Variants in ADAMTS3 observed in about 807,000 individuals in gnomAD.
ADAMTS3 encodes A disintegrin and metalloproteinase with thrombospondin motifs 3.
Under a neutral mutation model 129.0 loss-of-function variants are expected in ADAMTS3, and 73 were observed. The observed-to-expected ratio is 0.57, with a 90% CI of 0.47 to 0.69. The LOEUF (loss-of-function observed/expected upper bound fraction) is 0.69. ADAMTS3 is among the 30% of genes least tolerant of loss of function. The pLI is 0.00. For synonymous variants in ADAMTS3, 477 were observed against 510.8 expected (o/e 0.93, Z 0.89); for missense variants, 1,457 against 1,514.5 (o/e 0.96, Z 0.63).
intron 4 of ADAMTS3, among the ~76,000 whole-genome samples, chr4:72,399,028 CT>C (rs1249664993): frequency 6.6e-6 from 1 of 152,222 alleles, no homozygotes; most frequent in Non-Finnish European, 1.5e-5. Context: ...AGTTGTTCTA[CT>C]TCATTTTTCA....
At chr4:72,385,784 C>A (rs992143834) in intron 4 of ADAMTS3, among the ~76,000 whole-genome samples, 1 of 152,060 alleles carries the variant, frequency 6.6e-6, no homozygotes, top group Non-Finnish European at 1.5e-5. Context: ...TTCCATTCTA[C>A]CCTAAACCTC....
chr4:72,313,146 GT>G (rs1731509334), intron 12 of ADAMTS3, among the ~76,000 whole-genome samples: 2 of 152,126 alleles, frequency 1.3e-5, no homozygotes, highest in Admixed American at 6.6e-5. Context: ...GAATTCAGTT[GT>G]TTTTTTCTTC....
chr4:72,462,386 T>C (rs1718794754), intron 3 of ADAMTS3, among the ~76,000 whole-genome samples: 1 of 152,030 alleles, frequency 6.6e-6, no homozygotes, highest in African/African-American at 2.4e-5. Context: ...ATCATAGCCC[T>C]TGGCTGTTGA....
intron 4 of ADAMTS3, among the ~76,000 whole-genome samples, chr4:72,409,112 C>G (rs1332143089): frequency 6.6e-6 from 1 of 151,964 alleles, no homozygotes; most frequent in Non-Finnish European, 1.5e-5. Flanking sequence ...GTTAAGGAGG[C>G]ACGCTTGGCA....
chr4:72,386,125 C>T (rs1721440438), intron 4 of ADAMTS3, among the ~76,000 whole-genome samples: 1 of 151,984 alleles, frequency 6.6e-6, no homozygotes, highest in Non-Finnish European at 1.5e-5. Context: ...TACTGAATTT[C>T]CTTGAAAAGC....
chr4:72,537,529 C>T (rs1033501791), intron 3 of ADAMTS3, among the ~76,000 whole-genome samples: 6 of 152,022 alleles, frequency 3.9e-5, no homozygotes, highest in African/African-American at 1.4e-4. Flanking sequence ...GGCACAGGCT[C>T]AGAAAAGACC....
At chr4:72,351,395 G>A (rs1246254647) in intron 4 of ADAMTS3, among the ~76,000 whole-genome samples, 1 of 151,852 alleles carries the variant, frequency 6.6e-6, no homozygotes, top group Admixed American at 6.6e-5. Flanking sequence ...ACTTGATGAA[G>A]TTAGGCAGTA....
chr4:72,407,726 C>T (rs1332591905), intron 4 of ADAMTS3, among the ~76,000 whole-genome samples: 1 of 151,994 alleles, frequency 6.6e-6, no homozygotes, highest in East Asian at 1.9e-4. Context: ...TATCTCAGGT[C>T]AAAAGCACTG....
At chr4:72,475,905 A>G (rs1484446475) in intron 3 of ADAMTS3, among the ~76,000 whole-genome samples, 1 of 152,132 alleles carries the variant, frequency 6.6e-6, no homozygotes, top group Admixed American at 6.5e-5. Context: ...GAAGTCTCAT[A>G]GGAAGTCAAA....
chr4:72,537,286 C>T lies in ADAMTS3; in HGVS notation c.504+11192G>A, dbSNP rs565948503. ...GGGATCCATGCCCTGATCACTGATG[C>T]TTCTGATCATGGAGATTTAGACAAA... On this transcript the variant is annotated intron_variant, in intron 3 of 21. Coordinates refer to ENST00000286657, the MANE Select transcript of ADAMTS3 (RefSeq NM_014243.3). Among the ~76,000 whole-genome samples, 15 of 152,312 alleles carry T rather than the reference C, an allele frequency of 9.8e-5. No homozygotes were observed. In the South Asian group the frequency reaches 2.9e-3, roughly 29 times the overall value.
chr4:72,347,294 T>TC (rs1491492050), intron 4 of ADAMTS3, among the ~76,000 whole-genome samples: 12 of 151,746 alleles, frequency 7.9e-5, no homozygotes, highest in Non-Finnish European at 1.6e-4. Context: ...TTTTTTTTTT[T>TC]TCCATTTGCT....
At chr4:72,411,913 G>A (rs1489286928) in intron 4 of ADAMTS3, among the ~76,000 whole-genome samples, 1 of 151,854 alleles carries the variant, frequency 6.6e-6, no homozygotes, top group Non-Finnish European at 1.5e-5. Flanking sequence ...CTACCCACTT[G>A]GTTCTATCTC....
intron 21 of ADAMTS3, among the ~76,000 whole-genome samples, chr4:72,284,857 T>C (rs116608245): frequency 0.01 from 1,557 of 152,314 alleles, 26 homozygotes; most frequent in African/African-American, 0.035. Context: ...TGTTAACTTG[T>C]GCATAGTTTT....
rs1326778642 is a variant in ADAMTS3, at chr4:72,303,976, C to A, written c.2365G>T (p.Glu789Ter). The A allele has an allele frequency of 6.2e-7, 1 of 1,613,646 alleles. No individual in the cohort carries two copies. Among genetic ancestry groups the A allele is most frequent in the African/African-American group, 1.3e-5 (1 of 74,884 alleles). Residue 789 changes from glutamate (E) to a stop codon, truncating the protein, a stop_gained, in exon 17 of 22, where the codon GAA (glutamate) becomes TAA (stop). Coordinates refer to ENST00000286657, the MANE Select transcript of ADAMTS3 (RefSeq NM_014243.3). LOFTEE classifies it high-confidence loss of function. The stretch of plus-strand genomic sequence containing the variant: ...GTGTGAAGACTTTCAATGTCATCTT[C>A]AATGTTATAATCCCACTCCACACCA... ...DLGVEWDYNI[E>*]DDIESLHTDG...
intron 3 of ADAMTS3, among the ~76,000 whole-genome samples, chr4:72,480,628 T>C (rs539268656): frequency 5.3e-4 from 81 of 151,762 alleles, no homozygotes; most frequent in African/African-American, 1.9e-3. Flanking sequence ...CACACCAGCA[T>C]GGCACATGTA....
At chr4:72,459,678 C>G (rs1425225516) in intron 3 of ADAMTS3, among the ~76,000 whole-genome samples, 1 of 151,412 alleles carries the variant, frequency 6.6e-6, no homozygotes, top group East Asian at 2.0e-4. Context: ...CTAATATCAA[C>G]AAAAAGACTA....
chr4:72,312,102 C>G, intron 13 of ADAMTS3, 189 bp downstream of exon 13: 1 of 564,810 alleles, frequency 1.8e-6, no homozygotes, highest in Non-Finnish European at 3.1e-6. Flanking sequence ...AACTATTGCA[C>G]CATTCTTACC....
intron 2 of ADAMTS3, among the ~76,000 whole-genome samples, chr4:72,561,063 T>C (rs902463635): frequency 1.3e-5 from 2 of 152,000 alleles, no homozygotes; most frequent in African/African-American, 4.8e-5. Context: ...GATTAAGAAA[T>C]GGGGCCAGGG....
In ADAMTS3 at chr4:72,281,338, A is replaced by T. The variant is rs536247119; in HGVS notation, c.*1798T>A. On this transcript the variant is annotated 3_prime_UTR_variant, in exon 22 of 22. Transcript: ENST00000286657. ...TATAGAGTCAATAGTTTAAGCTGTT[A>T]GTTTACAACGATTAAAATGCAAAAG... 1 of 152,722 alleles carries T rather than the reference A, an allele frequency of 6.5e-6. No homozygotes were observed. The highest frequency in any genetic ancestry group is 2.1e-4 in the South Asian group (1 of 4,828). 9.5% of individuals were successfully genotyped at this position (152,722 alleles called of 1,614,324 possible).
Sources: allele counts gnomAD v4.1 joint callset (sites outside exome capture counted in the v4.1 genomes callset), GRCh38; gene constraint gnomAD v4.1.1; transcripts MANE v1.5; gene names NCBI Gene and HGNC (gene_info 2026-07-23, HGNC 2026-07-21).